Variants in C5orf24 observed in about 807,000 individuals in gnomAD.
C5orf24 encodes chromosome 5 open reading frame 24.
C5orf24 carries 4 observed loss-of-function variants against 9.8 expected under a neutral mutation model. That is an observed-to-expected ratio of 0.41 (90% CI 0.20 to 0.93). The LOEUF is 0.93. Ranked by LOEUF, C5orf24 falls within the 40% of genes least tolerant of loss-of-function variation. The pLI, the probability that C5orf24 is intolerant of heterozygous loss-of-function variation, is 0.33. For missense variants in C5orf24, 170 were observed against 236.9 expected (o/e 0.72, Z 1.85); for synonymous variants, 73 against 81.3 (o/e 0.90, Z 0.55).
At chr5:134,849,286 T>C (rs1756088403) in intron 1 of C5orf24, among the ~76,000 whole-genome samples, 1 of 152,070 alleles carries the variant, frequency 6.6e-6, no homozygotes, top group East Asian at 1.9e-4. Flanking sequence ...CAACAATAGT[T>C]AGCTCGGAAG....
In C5orf24 at chr5:134,854,978, G is replaced by A; in HGVS notation, c.78G>A (p.Met26Ile). The change falls in exon 2 of 2, where the codon ATG becomes ATA. Residue 26 changes from methionine to isoleucine, a missense_variant. Met to Ile is a conservative substitution (Grantham distance 10). Coordinates refer to ENST00000394976, the MANE Select transcript of C5orf24 (RefSeq NM_001135586.1). ...GKPSCLNEDA[M>I]RAADQFDIYS... The stretch of plus-strand genomic sequence containing the variant: ...CTTCCTGCCTCAATGAAGATGCCAT[G>A]AGAGCTGCTGATCAGTTTGACATAT... 1 of 1,614,148 alleles carries A rather than the reference G, an allele frequency of 6.2e-7. No individual in the cohort carries two copies. Among genetic ancestry groups the A allele is most frequent in the Non-Finnish European group, 8.5e-7 (1 of 1,180,038 alleles).
Position 134,857,543 on chromosome 5 carries a change from A to C in C5orf24, c.*2076A>C, listed in dbSNP as rs1053772409. Reference sequence around the variant, plus strand: ...AGAGAACGATGTTGGATGGTTACATAATCAGTTATAACATTCTGGCAGCTA... The same window carrying C: ...AGAGAACGATGTTGGATGGTTACATCATCAGTTATAACATTCTGGCAGCTA... On this transcript the variant is annotated 3_prime_UTR_variant, in exon 2 of 2. Coordinates refer to ENST00000394976, the MANE Select transcript of C5orf24 (RefSeq NM_001135586.1). 9.4e-7 allele frequency: 1 copy of C among 1,066,766 alleles called. No individual in the cohort carries two copies. Among genetic ancestry groups the C allele is most frequent in the East Asian group, 3.1e-5 (1 of 32,236 alleles). The allele number at this position is 1,066,766 out of a possible 1,614,324, so 66.1% of individuals were successfully genotyped here.
intron 1 of C5orf24, among the ~76,000 whole-genome samples, chr5:134,847,319 G>C (rs1756023058): frequency 6.6e-6 from 1 of 151,940 alleles, no homozygotes; most frequent in Non-Finnish European, 1.5e-5. Flanking sequence ...TTTTTGAAAC[G>C]GAGTCTCACT....
At chr5:134,836,906 A>C in the C5orf24 span, among the ~76,000 whole-genome samples, 1 of 152,180 alleles carries the variant, frequency 6.6e-6, no homozygotes, top group Non-Finnish European at 1.5e-5. Flanking sequence ...AACAGTTCAT[A>C]TACATAATCA....
rs1429135754 is a variant in C5orf24, at chr5:134,858,182, C to T, written c.*2715C>T. 2 of 166,982 alleles carry T rather than the reference C, an allele frequency of 1.2e-5. No homozygotes were observed. Among genetic ancestry groups the T allele is most frequent in the African/African-American group, 2.4e-5 (1 of 41,424 alleles). 10.3% of individuals were successfully genotyped at this position (166,982 alleles called of 1,614,324 possible). A position where few individuals can be genotyped will look rare whatever the true frequency, so the allele number is the denominator to read the frequency against. ...AAATGGATAACATCATTTAGAAAGC[C>T]GAATTTACTGTTCATCTGAGCGGTT... On this transcript the variant is annotated 3_prime_UTR_variant, in exon 2 of 2. Transcript: ENST00000394976.
chr5:134,855,645 C>G lies in C5orf24; in HGVS notation c.*178C>G. Reference sequence around the variant, plus strand: ...CATATGCTGACAGATGCACTCAGGGCATGAGCAGCGGCATTGTATTTGTAC... The same window carrying G: ...CATATGCTGACAGATGCACTCAGGGGATGAGCAGCGGCATTGTATTTGTAC... On this transcript the variant is annotated 3_prime_UTR_variant, in exon 2 of 2. Coordinates refer to ENST00000394976, the MANE Select transcript of C5orf24 (RefSeq NM_001135586.1). The G allele has an allele frequency of 1.4e-6, 2 of 1,462,400 alleles. No individual in the cohort carries two copies. Among genetic ancestry groups the G allele is most frequent in the Non-Finnish European group, 1.8e-6 (2 of 1,111,510 alleles). 90.6% of individuals were successfully genotyped at this position (1,462,400 alleles called of 1,614,324 possible). A position where few individuals can be genotyped will look rare whatever the true frequency, so the allele number is the denominator to read the frequency against.
chr5:134,850,799 A>G (rs1356839883), intron 1 of C5orf24, among the ~76,000 whole-genome samples: 1 of 151,694 alleles, frequency 6.6e-6, no homozygotes, highest in Non-Finnish European at 1.5e-5. Context: ...TTTTAATGGT[A>G]TGTTTTTTTC....
Position 134,857,308 on chromosome 5 carries a change from G to A in C5orf24, c.*1841G>A. The A allele has an allele frequency of 6.6e-7, 1 of 1,523,276 alleles. No individual in the cohort carries two copies. 94.4% of individuals were successfully genotyped at this position (1,523,276 alleles called of 1,614,324 possible). A position where few individuals can be genotyped will look rare whatever the true frequency, so the allele number is the denominator to read the frequency against. The stretch of plus-strand genomic sequence containing the variant: ...TGTGTTTTTTGGGCTTGCTATTAAT[G>A]CAAACTCTGATTGCAAATGGATGTC... On this transcript the variant is annotated 3_prime_UTR_variant, in exon 2 of 2. Coordinates refer to ENST00000394976, the MANE Select transcript of C5orf24 (RefSeq NM_001135586.1).
chr5:134,846,646 C>T (rs1756004207), intron 1 of C5orf24: 1 of 152,204 alleles, frequency 6.6e-6, no homozygotes, highest in African/African-American at 2.4e-5. Context: ...TGCCAATACG[C>T]TAATAGTCGC....
chr5:134,840,868 T>G (rs967769935), upstream of C5orf24, among the ~76,000 whole-genome samples: 11 of 152,086 alleles, frequency 7.2e-5, no homozygotes, highest in African/African-American at 2.4e-4. Flanking sequence ...TATCCAGAGT[T>G]TTTATTGGAG....
intron 1 of C5orf24, among the ~76,000 whole-genome samples, chr5:134,847,841 A>T (rs532367968): frequency 7.6e-4 from 115 of 151,876 alleles, no homozygotes; most frequent in Non-Finnish European, 1.5e-3. Context: ...CTGGAGTTAC[A>T]GGCACCCGCC....
upstream of C5orf24, chr5:134,845,891 G>T (rs1268405509): frequency 3.9e-5 from 6 of 152,364 alleles, no homozygotes; most frequent in East Asian, 1.9e-4. Flanking sequence ...GTGCAGGTTG[G>T]CGGCGGGAGA....
chr5:134,850,959 A>G lies in C5orf24; in HGVS notation c.-3-3939A>G, dbSNP rs142309341. ...ATATACACACACACACACACACTAC[A>G]CACACATACATATTTTATACATACA... On this transcript the variant is annotated intron_variant, in intron 1 of 1. Transcript: ENST00000394976. Among the ~76,000 whole-genome samples the G allele has an allele frequency of 1.0e-3, 154 of 149,556 alleles. 2 individuals are homozygous for G. The East Asian group carries it at 0.025, about 24-fold the overall frequency.
intron 1 of C5orf24, among the ~76,000 whole-genome samples, chr5:134,852,758 C>T (rs184310512): frequency 6.6e-6 from 1 of 152,218 alleles, no homozygotes; most frequent in African/African-American, 2.4e-5. Context: ...CATTTCCAGC[C>T]AGGCACGGTG....
At chr5:134,853,647 T>C (rs1756228416) in intron 1 of C5orf24, among the ~76,000 whole-genome samples, 1 of 151,398 alleles carries the variant, frequency 6.6e-6, no homozygotes, top group South Asian at 2.1e-4. Context: ...TTATAGCTGA[T>C]GCCACCATGC....
chr5:134,854,801 A>T, intron 1 of C5orf24, 97 bp from the exon 2 acceptor site: 1 of 1,327,136 alleles, frequency 7.5e-7, no homozygotes, highest in Non-Finnish European at 1.0e-6. Context: ...TAGCCTGCAT[A>T]GTTGTTGGAA....
intron 1 of C5orf24, among the ~76,000 whole-genome samples, chr5:134,847,615 G>T (rs934039942): frequency 6.6e-6 from 1 of 151,950 alleles, no homozygotes; most frequent in Non-Finnish European, 1.5e-5. Flanking sequence ...TTAAAAAGAT[G>T]ATCTTTAACC....
intron 1 of C5orf24, among the ~76,000 whole-genome samples, chr5:134,851,217 C>G (rs549866896): frequency 6.6e-6 from 1 of 152,052 alleles, no homozygotes; most frequent in Non-Finnish European, 1.5e-5. Flanking sequence ...CGTGAGCCAT[C>G]GTGGCCATCC....
the C5orf24 span, among the ~76,000 whole-genome samples, chr5:134,836,168 C>CTTTT: frequency 1.3e-3 from 116 of 86,464 alleles, no homozygotes; most frequent in African/African-American, 1.9e-3. Context: ...CATTGAGAAG[C>CTTTT]TTTTTTTTTT....
Sources: gnomAD v4.1 joint callset for allele counts (sites outside exome capture counted in the v4.1 genomes callset) on GRCh38, gnomAD v4.1.1 for gene constraint, MANE v1.5 for transcripts, NCBI Gene and HGNC (gene_info 2026-07-23, HGNC 2026-07-21) for gene names.